ADAM12: variants seen among roughly 807,000 people sequenced by gnomAD.
ADAM12 encodes the protein disintegrin and metalloproteinase domain-containing protein 12.
Under a neutral mutation model 106.4 loss-of-function variants are expected in ADAM12, and 70 were observed. That is an observed-to-expected ratio of 0.66 (90% CI 0.54 to 0.80). The LOEUF (loss-of-function observed/expected upper bound fraction) is 0.80, where lower values mean the gene tolerates loss of function less well. ADAM12 is among the 30% of genes least tolerant of loss of function. The pLI, the probability that ADAM12 is intolerant of heterozygous loss-of-function variation, is 0.00. For missense variants in ADAM12, 1,010 were observed against 1,171.9 expected (o/e 0.86, Z 2.02); for synonymous variants, 420 against 433.5 (o/e 0.97, Z 0.39).
intron 3 of ADAM12, among the ~76,000 whole-genome samples, chr10:126,201,324 C>G (rs943640241): frequency 6.6e-6 from 1 of 152,008 alleles, no homozygotes; most frequent in South Asian, 2.1e-4. Context: ...AACACAGGCA[C>G]GCAGAGAGGA....
chr10:126,073,174 C>T (rs1002512441), intron 11 of ADAM12, among the ~76,000 whole-genome samples: 5 of 152,148 alleles, frequency 3.3e-5, no homozygotes, highest in Admixed American at 1.3e-4. Flanking sequence ...CTGCAACCTC[C>T]GCCTCCCGGA....
chr10:126,345,971 C>A (rs190872577), intron 1 of ADAM12, among the ~76,000 whole-genome samples: 2 of 152,156 alleles, frequency 1.3e-5, no homozygotes, highest in African/African-American at 4.8e-5. Context: ...AAAAAGCCAG[C>A]TCCTGGATTC....
chr10:126,213,709 A>ATACATATTTCAAAAAGCTT (rs1200238727), intron 3 of ADAM12, among the ~76,000 whole-genome samples: 1 of 152,230 alleles, frequency 6.6e-6, no homozygotes, highest in Non-Finnish European at 1.5e-5. Flanking sequence ...ATAAGTGAAA[A>ATACATATTTCAAAAAGCTT]TACATATTTC....
intron 1 of ADAM12, among the ~76,000 whole-genome samples, chr10:126,339,039 T>C (rs1854823647): frequency 6.6e-6 from 1 of 152,170 alleles, no homozygotes; most frequent in South Asian, 2.1e-4. Context: ...CACACCAACT[T>C]GGGCAGCACT....
chr10:126,092,061 T>C lies in ADAM12; in HGVS notation c.1145+1924A>G, dbSNP rs184143087. Among the ~76,000 whole-genome samples the C allele has an allele frequency of 2.6e-3, 400 of 152,284 alleles. No individual in the cohort carries two copies. In the Middle Eastern group the frequency reaches 0.031, roughly 12 times the overall value. Reference sequence around the variant, plus strand: ...ATTATTTTAAAAAATGGTGTGAGAATTGGGACAACCAGATCTCTTCAAGTC... The same window carrying C: ...ATTATTTTAAAAAATGGTGTGAGAACTGGGACAACCAGATCTCTTCAAGTC... On this transcript the variant is annotated intron_variant, in intron 11 of 22. Coordinates refer to ENST00000448723, the MANE Select transcript of ADAM12 (RefSeq NM_001288973.2).
At chr10:126,188,870 C>T (rs765412581) in intron 3 of ADAM12, among the ~76,000 whole-genome samples, 2 of 152,244 alleles carry the variant, frequency 1.3e-5, no homozygotes, top group Non-Finnish European at 2.9e-5. Context: ...ATCTATTTGT[C>T]GCCCATCCTT....
At chr10:126,140,789 T>C (rs1956495276) in intron 4 of ADAM12, among the ~76,000 whole-genome samples, 1 of 152,232 alleles carries the variant, frequency 6.6e-6, no homozygotes. Flanking sequence ...CACAGATAAT[T>C]TCGCAACTCA....
intron 17 of ADAM12, among the ~76,000 whole-genome samples, chr10:126,045,140 T>C (rs7097691): frequency 0.019 from 2,867 of 152,312 alleles, 86 homozygotes; most frequent in African/African-American, 0.066. Flanking sequence ...CCATATTACC[T>C]TGGGCACACC....
At chr10:126,037,515 A>T (rs1954081991) in intron 20 of ADAM12, among the ~76,000 whole-genome samples, 1 of 152,124 alleles carries the variant, frequency 6.6e-6, no homozygotes, top group African/African-American at 2.4e-5. Context: ...ATGATTTTTC[A>T]ATCACTTATT....
chr10:126,086,665 AAAAAAAAAAAAAAAAATATATATAT>A lies in ADAM12; in HGVS notation c.1145+7295_1145+7319del, dbSNP rs1354856209. Among the ~76,000 whole-genome samples the A allele has an allele frequency of 1.7e-4, 10 of 57,614 alleles. 2 individuals are homozygous for A. Among genetic ancestry groups the A allele is most frequent in the Admixed American group, 4.5e-4 (2 of 4,410 alleles). 37.8% of individuals were successfully genotyped at this position (57,614 alleles called of 152,430 possible). Reference sequence around the variant, plus strand: ...GGACTCTGCCTCAAAAAAAAAAAAAAAAAAAAAAAAAAAAAATATATATATATATATATATATATATAAAATAAAA... The same window carrying A: ...GGACTCTGCCTCAAAAAAAAAAAAAAATATATATATATATATAAAATAAAA... On this transcript the variant is annotated intron_variant, in intron 11 of 22. Transcript: ENST00000448723.
At chr10:126,236,117 C>T (rs780022971) in intron 3 of ADAM12, among the ~76,000 whole-genome samples, 2 of 152,132 alleles carry the variant, frequency 1.3e-5, no homozygotes, top group Admixed American at 6.5e-5. Flanking sequence ...AACACATTTG[C>T]GAGTTAGAAG....
chr10:126,245,917 C>T lies in ADAM12; in HGVS notation c.260+32998G>A, dbSNP rs540847957. Among the ~76,000 whole-genome samples the T allele has an allele frequency of 8.6e-5, 13 of 152,026 alleles. No individual in the cohort carries two copies. The South Asian group carries it at 1.9e-3, about 22-fold the overall frequency. On this transcript the variant is annotated intron_variant, in intron 3 of 22. Coordinates refer to ENST00000448723, the MANE Select transcript of ADAM12 (RefSeq NM_001288973.2). ...GGGTAGCAGAGCCTACAGGTGTGTA[C>T]GGTTTGGCTGCAAGATAAAGGAGAA...
At chr10:126,069,522 G>A (rs373962349) in intron 12 of ADAM12, among the ~76,000 whole-genome samples, 1 of 152,226 alleles carries the variant, frequency 6.6e-6, no homozygotes, top group East Asian at 1.9e-4. Context: ...GCCACCTGGC[G>A]AGACAGCACC....
intron 18 of ADAM12, chr10:126,041,281 G>C (rs776956047): frequency 1.9e-4 from 186 of 964,786 alleles, no homozygotes; most frequent in Non-Finnish European, 2.2e-4. Context: ...AGGGAGCAGT[G>C]AGCCATGCTT....
intron 1 of ADAM12, among the ~76,000 whole-genome samples, chr10:126,378,703 C>T (rs1002839238): frequency 1.3e-5 from 2 of 152,192 alleles, no homozygotes; most frequent in Non-Finnish European, 2.9e-5. Context: ...TAACATTTTA[C>T]ATCTTTAAAT....
At chr10:126,204,968 T>C (rs371245687) in intron 3 of ADAM12, among the ~76,000 whole-genome samples, 1 of 152,310 alleles carries the variant, frequency 6.6e-6, no homozygotes, top group South Asian at 2.1e-4. Context: ...CCCCAGGTTC[T>C]TGGCCAGGGT....
chr10:126,349,631 T>G (rs895346051), intron 1 of ADAM12, among the ~76,000 whole-genome samples: 8 of 152,168 alleles, frequency 5.3e-5, no homozygotes, highest in Non-Finnish European at 1.2e-4. Context: ...TTTGCATAAT[T>G]CCTTATACAA....
chr10:126,169,573 C>G (rs1676749), intron 3 of ADAM12, among the ~76,000 whole-genome samples: 15,085 of 152,118 alleles, frequency 0.099, 2,151 homozygotes, highest in African/African-American at 0.31. Flanking sequence ...GATATGAGGA[C>G]TTCTTTCTAC....
rs187392808 is a variant in ADAM12, at chr10:126,270,347, T to C, written c.260+8568A>G. On this transcript the variant is annotated intron_variant, in intron 3 of 22. Coordinates refer to ENST00000448723, the MANE Select transcript of ADAM12 (RefSeq NM_001288973.2). Reference sequence around the variant, plus strand: ...ACATTCCTGTGGGCGATGCATCAGCTAAGACAGATATCCCAAATTCTCACA... The same window carrying C: ...ACATTCCTGTGGGCGATGCATCAGCCAAGACAGATATCCCAAATTCTCACA... Among the ~76,000 whole-genome samples the C allele has an allele frequency of 3.9e-5, 6 of 152,260 alleles. No homozygotes were observed. In the East Asian group the frequency reaches 1.2e-3, roughly 30 times the overall value.
Sources: allele counts gnomAD v4.1 joint callset (sites outside exome capture counted in the v4.1 genomes callset), GRCh38; gene constraint gnomAD v4.1.1; transcripts MANE v1.5; gene names NCBI Gene and HGNC (gene_info 2026-07-23, HGNC 2026-07-21).